Variants in FAM222B observed in about 807,000 individuals in gnomAD.
FAM222B encodes the protein protein FAM222B.
FAM222B carries 12 observed loss-of-function variants against 38.0 expected under a neutral mutation model. The ratio of observed to expected loss-of-function variants is 0.32; its 90% CI spans 0.20 to 0.51. FAM222B has a LOEUF of 0.51. FAM222B is among the 20% of genes least tolerant of loss of function. The pLI, the probability that FAM222B is intolerant of heterozygous loss-of-function variation, is 0.97. For missense variants in FAM222B, 716 were observed against 754.2 expected (o/e 0.95, Z 0.59); for synonymous variants, 329 against 317.2 (o/e 1.04, Z -0.40).
chr17:28,784,949 T>G (rs1248957910), intron 1 of FAM222B, among the ~76,000 whole-genome samples: 1 of 151,144 alleles, frequency 6.6e-6, no homozygotes, highest in Non-Finnish European at 1.5e-5. Flanking sequence ...AGAGATGGGG[T>G]CTCACTATGT....
intron 1 of FAM222B, among the ~76,000 whole-genome samples, chr17:28,831,135 C>T (rs1031601297): frequency 2.0e-5 from 3 of 151,906 alleles, no homozygotes; most frequent in Admixed American, 2.0e-4. Context: ...GCTGGGACTA[C>T]AGGTGCTCAC....
At chr17:28,768,836 C>CAAAA (rs71359249) in intron 1 of FAM222B, among the ~76,000 whole-genome samples, 3 of 70,870 alleles carry the variant, frequency 4.2e-5, no homozygotes, top group African/African-American at 5.4e-5. Context: ...AACTCTGTCT[C>CAAAA]AAAAAAAAAA....
rs781762156 is a variant in FAM222B at position 28,758,343 on chromosome 17, C to G, written c.1616G>C (p.Arg539Pro). Reference sequence around the variant, plus strand: ...ATCGGGGGCTCGGTTGCCAGGGGCTCGGTGGGCCTTGCTCAGCATGGCCAG... The same window carrying G: ...ATCGGGGGCTCGGTTGCCAGGGGCTGGGTGGGCCTTGCTCAGCATGGCCAG... ...QSLAMLSKAH[R>P]APGNRAPDPT... Residue 539 changes from arginine (R) to proline (P), a missense_variant, in exon 3 of 3, where the codon CGA becomes CCA. By Grantham distance (103) the Arg-to-Pro change is moderately radical. Transcript: ENST00000581407. 1.2e-6 allele frequency: 2 copies of G among 1,612,282 alleles called. No individual in the cohort carries two copies. The highest frequency in any genetic ancestry group is 1.7e-5 in the Admixed American group (1 of 59,686).
At chr17:28,845,884 G>A (rs1294536923), upstream of FAM222B, among the ~76,000 whole-genome samples, 1 of 151,610 alleles carries the variant, frequency 6.6e-6, no homozygotes, top group African/African-American at 2.4e-5. Context: ...GACAGAGCAA[G>A]GCTCCATCTC....
intron 1 of FAM222B, among the ~76,000 whole-genome samples, chr17:28,795,601 A>T (rs1053903943): frequency 1.3e-5 from 2 of 151,980 alleles, no homozygotes; most frequent in African/African-American, 4.8e-5. Context: ...CTAATTTTTT[A>T]AAATATTTTT....
chr17:28,820,189 T>C lies in FAM222B; in HGVS notation c.-41+22493A>G, dbSNP rs181770755. Among the ~76,000 whole-genome samples the C allele has an allele frequency of 2.6e-3, 403 of 152,294 alleles. 4 individuals carry two copies. The highest frequency in any genetic ancestry group is 8.9e-3 in the African/African-American group (370 of 41,574). ...GCAGACTATCCCATAACCATTTCAG[T>C]TTTCCCTTTTTGGCTTTTAGACAAC... On this transcript the variant is annotated intron_variant, in intron 1 of 2. Transcript: ENST00000581407.
At chr17:28,788,853 T>C (rs571864486) in intron 1 of FAM222B, among the ~76,000 whole-genome samples, 1 of 152,114 alleles carries the variant, frequency 6.6e-6, no homozygotes, top group East Asian at 1.9e-4. Flanking sequence ...ACAATTCTCC[T>C]GCCTCAGCCT....
intron 1 of FAM222B, among the ~76,000 whole-genome samples, chr17:28,769,434 G>A (rs1391659628): frequency 6.6e-6 from 1 of 151,984 alleles, no homozygotes; most frequent in Non-Finnish European, 1.5e-5. Flanking sequence ...GCCCGCCTCG[G>A]CCTCCCAAAG....
intron 1 of FAM222B, among the ~76,000 whole-genome samples, chr17:28,816,023 C>G (rs1405789656): frequency 6.6e-6 from 1 of 150,380 alleles, no homozygotes; most frequent in Non-Finnish European, 1.5e-5. Flanking sequence ...GTAATCAATC[C>G]TAGCACCTTG....
intron 1 of FAM222B, among the ~76,000 whole-genome samples, chr17:28,832,551 G>A (rs1225885006): frequency 1.3e-5 from 2 of 152,132 alleles, no homozygotes; most frequent in Non-Finnish European, 2.9e-5. Context: ...AATCCTCCAT[G>A]CACAAGCCTT....
In FAM222B at chr17:28,790,624, C is replaced by A. The variant is rs181739030; in HGVS notation, c.-40-23917G>T. On this transcript the variant is annotated intron_variant, in intron 1 of 2. Coordinates refer to ENST00000581407, the MANE Select transcript of FAM222B (RefSeq NM_001077498.3). ...GTGATTCTGACCTGGATCCTTTTTG[C>A]TATAAAGCATATAACTGGTATAATA... Among the ~76,000 whole-genome samples, 11 of 152,156 alleles carry A rather than the reference C, an allele frequency of 7.2e-5. No individual in the cohort carries two copies. The East Asian group carries it at 1.9e-3, about 27-fold the overall frequency.
intron 1 of FAM222B, among the ~76,000 whole-genome samples, chr17:28,787,118 G>A (rs149177965): frequency 3.3e-5 from 5 of 152,026 alleles, no homozygotes; most frequent in African/African-American, 1.2e-4. Flanking sequence ...GTAGAGACGG[G>A]GTTTCACCAT....
At chr17:28,765,361 C>T (rs2151779350) in intron 2 of FAM222B, among the ~76,000 whole-genome samples, 1 of 152,308 alleles carries the variant, frequency 6.6e-6, no homozygotes, top group South Asian at 2.1e-4. Flanking sequence ...TGTTTATTGT[C>T]TGTGGCTGCC....
At chr17:28,783,637 C>CAAG (rs2036258594) in intron 1 of FAM222B, among the ~76,000 whole-genome samples, 1 of 151,980 alleles carries the variant, frequency 6.6e-6, no homozygotes, top group Non-Finnish European at 1.5e-5. Flanking sequence ...TTCAGCCTCC[C>CAAG]TAGCTGGGAT....
At chr17:28,774,180 G>A (rs910544799) in intron 1 of FAM222B, among the ~76,000 whole-genome samples, 1 of 150,990 alleles carries the variant, frequency 6.6e-6, no homozygotes, top group African/African-American at 2.4e-5. Flanking sequence ...AATTGACTGG[G>A]GTCTGACTTT....
At chr17:28,770,030 C>T (rs1275786276) in intron 1 of FAM222B, among the ~76,000 whole-genome samples, 1 of 152,100 alleles carries the variant, frequency 6.6e-6, no homozygotes, top group Non-Finnish European at 1.5e-5. Flanking sequence ...AGACCCTGAA[C>T]TCAACAATTC....
chr17:28,821,030 A>G (rs2152576495), intron 1 of FAM222B, among the ~76,000 whole-genome samples: 1 of 149,168 alleles, frequency 6.7e-6, no homozygotes, highest in South Asian at 2.1e-4. Context: ...ATCTCGGCTC[A>G]CTGCAACCTC....
At chr17:28,784,158 G>A (rs1199462718) in intron 1 of FAM222B, among the ~76,000 whole-genome samples, 1 of 151,968 alleles carries the variant, frequency 6.6e-6, no homozygotes, top group Non-Finnish European at 1.5e-5. Flanking sequence ...TTAGGTGCCT[G>A]ATACACAGTA....
At chr17:28,788,320 C>T (rs2036511650) in intron 1 of FAM222B, among the ~76,000 whole-genome samples, 1 of 152,154 alleles carries the variant, frequency 6.6e-6, no homozygotes, top group South Asian at 2.1e-4. Context: ...CTCACTGCAA[C>T]CTTGAACTTC....
Sources: allele counts gnomAD v4.1 joint callset (sites outside exome capture counted in the v4.1 genomes callset), GRCh38; gene constraint gnomAD v4.1.1; transcripts MANE v1.5; gene names NCBI Gene and HGNC (gene_info 2026-07-23, HGNC 2026-07-21).